The following FOXK1 variants were observed in gnomAD, a reference collection of about 807,000 sequenced individuals.
The protein encoded by FOXK1 is forkhead box protein K1.
In FOXK1, 19 loss-of-function variants were observed where a neutral mutation model predicts 51.9. The observed-to-expected ratio is 0.37, with a 90% CI of 0.26 to 0.54. The LOEUF (loss-of-function observed/expected upper bound fraction) is 0.54, where lower values mean the gene tolerates loss of function less well. FOXK1 is among the 20% of genes least tolerant of loss of function. The pLI, the probability that FOXK1 is intolerant of heterozygous loss-of-function variation, is 0.87. For synonymous variants in FOXK1, 537 were observed against 482.6 expected (o/e 1.11, Z -1.48); for missense variants, 870 against 1,032.7 (o/e 0.84, Z 2.16).
rs935899368 is a variant in FOXK1 at position 4,722,440 on chromosome 7, G to A, written c.561-18398G>A. On this transcript the variant is annotated intron_variant, in intron 1 of 8. Coordinates refer to ENST00000328914, the MANE Select transcript of FOXK1 (RefSeq NM_001037165.2). The surrounding 1 kb of genome is among the most constrained non-coding windows in gnomAD (Gnocchi z 5.1). ...TGAGATCCTGGCCAGAGGAGGTCCC[G>A]TGGCCAAGTGGCAGCGGTGCCGGAC... Among the ~76,000 whole-genome samples the A allele has an allele frequency of 7.2e-5, 11 of 152,204 alleles. No individual in the cohort carries two copies. The highest frequency in any genetic ancestry group is 1.9e-4 in the African/African-American group (8 of 41,462).
rs1053824491 is a variant in FOXK1, at chr7:4,734,595, C to G, written c.561-6243C>G. Among the ~76,000 whole-genome samples the G allele has an allele frequency of 3.3e-5, 5 of 152,188 alleles. No individual in the cohort carries two copies. Among genetic ancestry groups the G allele is most frequent in the African/African-American group, 1.2e-4 (5 of 41,442 alleles). ...CCGCTGCCCAAGTGTGCGTGGGCATCGGTGCACGGGGCTCCCTCCCTGGGG... is the reference window on the plus strand; with the variant it reads ...CCGCTGCCCAAGTGTGCGTGGGCATGGGTGCACGGGGCTCCCTCCCTGGGG... On this transcript the variant is annotated intron_variant, in intron 1 of 8. Transcript: ENST00000328914. The surrounding 1 kb of genome is among the most constrained non-coding windows in gnomAD (Gnocchi z 5.2).
Position 4,703,122 on chromosome 7 carries a change from G to A in FOXK1, c.560+20254G>A, listed in dbSNP as rs181510346. Among the ~76,000 whole-genome samples, 50 of 152,280 alleles carry A rather than the reference G, an allele frequency of 3.3e-4. No individual in the cohort carries two copies. The highest frequency in any genetic ancestry group is 3.4e-3 in the Middle Eastern group (1 of 292). On this transcript the variant is annotated intron_variant, in intron 1 of 8. Coordinates refer to ENST00000328914, the MANE Select transcript of FOXK1 (RefSeq NM_001037165.2). This position sits in a 1 kb window ranked among gnomAD's most constrained non-coding sequence, Gnocchi z 5.6. ...TGTGTCGGGGGCTGGGCTGGGCTGG[G>A]CTGGACTGGGAAGACTGGCTCTCTC...
At chr7:4,696,682 C>G (rs1779956452) in intron 1 of FOXK1, among the ~76,000 whole-genome samples, 1 of 152,210 alleles carries the variant, frequency 6.6e-6, no homozygotes, top group African/African-American at 2.4e-5. Flanking sequence ...CAGGTGTCAT[C>G]TGCTATAACC....
Position 4,709,063 on chromosome 7 carries a change from CAAAAA to C in FOXK1, c.560+26207_560+26211del, listed in dbSNP as rs111595744. ...CTGGGCAATGAGCGAGACTCTGTCT[CAAAAA>C]AAAAAAAAAAAGAAAAGAAAAGAAA... On this transcript the variant is annotated intron_variant, in intron 1 of 8. Transcript: ENST00000328914. This position sits in a 1 kb window ranked among gnomAD's most constrained non-coding sequence, Gnocchi z 5.6. 1.5e-5 allele frequency among the ~76,000 whole-genome samples: 1 copy of C among 65,140 alleles called. No individual in the cohort carries two copies. Among genetic ancestry groups the C allele is most frequent in the Admixed American group, 1.8e-4 (1 of 5,624 alleles). The allele number at this position is 65,140 out of a possible 152,430, so 42.7% of individuals were successfully genotyped here. A position where few individuals can be genotyped will look rare whatever the true frequency, so the allele number is the denominator to read the frequency against.
At position 4,714,484 on chromosome 7, in the gene FOXK1, A is replaced by C. The variant is rs191029832; in HGVS notation, c.561-26354A>C. ...GAGACCGGGTTTCGCCACATTGCCC[A>C]AGCTGGTCTCCAACTCCTGAGCTCA... On this transcript the variant is annotated intron_variant, in intron 1 of 8. Coordinates refer to ENST00000328914, the MANE Select transcript of FOXK1 (RefSeq NM_001037165.2). Among the ~76,000 whole-genome samples, 446 of 152,212 alleles carry C rather than the reference A, an allele frequency of 2.9e-3. 5 individuals carry two copies. Among genetic ancestry groups the C allele is most frequent in the African/African-American group, 8.1e-3 (335 of 41,524 alleles).
At position 4,756,238 on chromosome 7, in the gene FOXK1, C is replaced by T. The variant is rs549285504; in HGVS notation, c.1051-756C>T. 6.6e-6 allele frequency among the ~76,000 whole-genome samples: 1 copy of T among 152,232 alleles called. No individual in the cohort carries two copies. Among genetic ancestry groups the T allele is most frequent in the South Asian group, 2.1e-4 (1 of 4,828 alleles). ...CAAGCGATTCTTCTGCTTCAGCCTC[C>T]CAAGTAGCTGGGGCTACAGGTGCCC... is the stretch of plus-strand genomic sequence containing the variant. On this transcript the variant is annotated intron_variant, in intron 4 of 8. Transcript: ENST00000328914. The surrounding 1 kb of genome is among the most constrained non-coding windows in gnomAD (Gnocchi z 4.1).
In FOXK1 at chr7:4,755,220, G is replaced by A; in HGVS notation, c.904-17G>A. 1 of 1,612,746 alleles carries A rather than the reference G, an allele frequency of 6.2e-7. No individual in the cohort carries two copies. Among genetic ancestry groups the A allele is most frequent in the Non-Finnish European group, 8.5e-7 (1 of 1,179,374 alleles). ...GACCTTGCTGGAGCTCATCCCGTGAGCCGTGTTTCTCCGCAGGATGAGTCA... is the reference window on the plus strand; with the variant it reads ...GACCTTGCTGGAGCTCATCCCGTGAACCGTGTTTCTCCGCAGGATGAGTCA... On this transcript the variant is annotated splice_polypyrimidine_tract_variant and intron_variant, in intron 3 of 8. Coordinates refer to ENST00000328914, the MANE Select transcript of FOXK1 (RefSeq NM_001037165.2). The surrounding 1 kb of genome is among the most constrained non-coding windows in gnomAD (Gnocchi z 6.6).
At chr7:4,732,041 G>C (rs1316908583) in intron 1 of FOXK1, among the ~76,000 whole-genome samples, 1 of 152,164 alleles carries the variant, frequency 6.6e-6, no homozygotes, top group Admixed American at 6.5e-5. Flanking sequence ...CAGCCAGGCA[G>C]GTCTGACTTC....
intron 1 of FOXK1, among the ~76,000 whole-genome samples, chr7:4,687,493 A>G (rs1045417622): frequency 2.6e-5 from 4 of 151,560 alleles, no homozygotes; most frequent in African/African-American, 4.9e-5. Context: ...GGGTTTCACC[A>G]CGTTGGCCAG....
Position 4,682,491 on chromosome 7 carries a change from T to G in FOXK1, c.183T>G (p.Pro61=), listed in dbSNP as rs1234254963. The change falls in exon 1 of 9, where the codon CCT becomes CCG. Residue 61 remains proline, a synonymous_variant. Transcript: ENST00000328914. This position sits in a 1 kb window ranked among gnomAD's most constrained non-coding sequence, Gnocchi z 7.6. ...CGCCGCCGCCGCCACCGCCGCTGCC[T>G]CCGGGCGCGATCGCGGGCGCGGGCT... ...GPPPPPPPPL[P]PGAIAGAGSS... is the part of the protein sequence containing the mutation. 9.9e-7 allele frequency: 1 copy of G among 1,011,270 alleles called. No individual in the cohort carries two copies. The highest frequency in any genetic ancestry group is 1.2e-6 in the Non-Finnish European group (1 of 849,318). 62.6% of individuals were successfully genotyped at this position (1,011,270 alleles called of 1,614,324 possible). A position where few individuals can be genotyped will look rare whatever the true frequency, so the allele number is the denominator to read the frequency against.
At chr7:4,754,042 C>T (rs372138055) in intron 2 of FOXK1, among the ~76,000 whole-genome samples, 2 of 152,304 alleles carry the variant, frequency 1.3e-5, no homozygotes, top group African/African-American at 2.4e-5. Context: ...GTCCTGGGCC[C>T]GAGCCTTTTC....
intron 1 of FOXK1, among the ~76,000 whole-genome samples, chr7:4,725,143 G>T (rs1482893092): frequency 1.3e-5 from 2 of 152,254 alleles, no homozygotes; most frequent in African/African-American, 4.8e-5. Context: ...CTCTCTCGCA[G>T]TTCCTGCAGG....
intron 1 of FOXK1, among the ~76,000 whole-genome samples, chr7:4,684,602 G>A (rs1030502622): frequency 6.6e-6 from 1 of 151,838 alleles, no homozygotes; most frequent in Non-Finnish European, 1.5e-5. Context: ...CTCCGTTTGG[G>A]GCCATTAAAT....
At chr7:4,694,323 T>A (rs1270743191) in intron 1 of FOXK1, among the ~76,000 whole-genome samples, 1 of 152,244 alleles carries the variant, frequency 6.6e-6, no homozygotes. Context: ...TATGCCACTT[T>A]GGATAAACAT....
chr7:4,705,996 A>ATATACGTATATATACGTATATATACGTG lies in FOXK1; in HGVS notation c.560+23132_560+23133insCGTATATATACGTATATATACGTGTATA, dbSNP rs1780091687. Among the ~76,000 whole-genome samples, 15 of 96,402 alleles carry ATATACGTATATATACGTATATATACGTG rather than the reference A, an allele frequency of 1.6e-4. 2 individuals carry two copies. Among genetic ancestry groups the ATATACGTATATATACGTATATATACGTG allele is most frequent in the African/African-American group, 1.2e-3 (13 of 10,518 alleles). The allele number at this position is 96,402 out of a possible 152,430, so 63.2% of individuals were successfully genotyped here. A position where few individuals can be genotyped will look rare whatever the true frequency, so the allele number is the denominator to read the frequency against. On this transcript the variant is annotated intron_variant, in intron 1 of 8. Coordinates refer to ENST00000328914, the MANE Select transcript of FOXK1 (RefSeq NM_001037165.2). ...TACGTATATATACGTATATATACGT[A>ATATACGTATATATACGTATATATACGTG]TATATACGTATATATACGTATATAT...
chr7:4,705,822 C>T (rs1353939564), intron 1 of FOXK1, among the ~76,000 whole-genome samples: 3 of 150,812 alleles, frequency 2.0e-5, no homozygotes, highest in African/African-American at 2.5e-5. Flanking sequence ...ATGTGTGAGC[C>T]ACTGCCCCGG....
intron 1 of FOXK1, among the ~76,000 whole-genome samples, chr7:4,687,214 G>A (rs970892629): frequency 6.6e-6 from 1 of 152,026 alleles, no homozygotes; most frequent in Non-Finnish European, 1.5e-5. Flanking sequence ...TTACAGGCGT[G>A]AGCCACCACG....
chr7:4,728,909 G>A (rs1780415390), intron 1 of FOXK1, among the ~76,000 whole-genome samples: 1 of 152,192 alleles, frequency 6.6e-6, no homozygotes, highest in Non-Finnish European at 1.5e-5. Flanking sequence ...GTATCAGTCA[G>A]GTGGCCAGTG....
Position 4,753,070 on chromosome 7 carries a change from C to T in FOXK1, c.747-1389C>T, listed in dbSNP as rs566552447. 5.8e-4 allele frequency among the ~76,000 whole-genome samples: 89 copies of T among 152,284 alleles called. No homozygotes were observed. The highest frequency in any genetic ancestry group is 1.0e-3 in the Admixed American group (16 of 15,284). Reference sequence around the variant, plus strand: ...ACGTGTGGAACTTACCTATCTCTGCCATATTTGGGGAGTCCGTTGTAAGAG... The same window carrying T: ...ACGTGTGGAACTTACCTATCTCTGCTATATTTGGGGAGTCCGTTGTAAGAG... On this transcript the variant is annotated intron_variant, in intron 2 of 8. Coordinates refer to ENST00000328914, the MANE Select transcript of FOXK1 (RefSeq NM_001037165.2). The surrounding 1 kb of genome is among the most constrained non-coding windows in gnomAD (Gnocchi z 4.9).
Sources: gnomAD v4.1 joint callset for allele counts (sites outside exome capture counted in the v4.1 genomes callset) on GRCh38, gnomAD v4.1.1 for gene constraint, Gnocchi (gnomAD v3.1) non-coding constraint, MANE v1.5 for transcripts, NCBI Gene and HGNC (gene_info 2026-07-23, HGNC 2026-07-21) for gene names.